Variants in KLHL33 observed in about 807,000 individuals in gnomAD.
KLHL33 encodes the protein kelch like family member 33, also known as kelch-like protein 33.
Under a neutral mutation model 60.8 loss-of-function variants are expected in KLHL33, and 46 were observed. The observed-to-expected ratio is 0.76, with a 90% CI of 0.60 to 0.97. The LOEUF is 0.97. Ranked by LOEUF, KLHL33 falls within the 50% of genes least tolerant of loss-of-function variation. The probability of loss-of-function intolerance (pLI) is 0.00; values close to 1 mark genes in which losing one functional copy is unlikely to be tolerated. For synonymous variants in KLHL33, 434 were observed against 432.2 expected (o/e 1.00, Z -0.05); for missense variants, 1,055 against 1,000.0 (o/e 1.05, Z -0.74).
At chr14:20,434,102 C>T (rs965387269) in intron 2 of KLHL33, among the ~76,000 whole-genome samples, 1 of 152,142 alleles carries the variant, frequency 6.6e-6, no homozygotes, top group South Asian at 2.1e-4. Flanking sequence ...TGATATTGAC[C>T]TCACCAGCTT....
At chr14:20,434,616 A>C (rs1220315026) in intron 2 of KLHL33, among the ~76,000 whole-genome samples, 1 of 151,904 alleles carries the variant, frequency 6.6e-6, no homozygotes, top group Non-Finnish European at 1.5e-5. Flanking sequence ...TGCAGGGCCC[A>C]TAAGTCAGCC....
rs1333267781 is a variant in KLHL33 at position 20,429,879 on chromosome 14, G to T, written c.1589C>A (p.Ala530Asp). ...GAGTTCACTTCCTGCCAGGCTTGCAGCCCCATGCCGGAAGCGTCCGGGGGC... is the reference window on the plus strand; with the variant it reads ...GAGTTCACTTCCTGCCAGGCTTGCATCCCCATGCCGGAAGCGTCCGGGGGC... Reference protein sequence around the residue: ...LPAPGRFRHGAASLAGSELYV... With the variant: ...LPAPGRFRHGDASLAGSELYV... Residue 530 changes from alanine (A) to aspartate (D), a missense_variant, in exon 3 of 5, where the codon GCT becomes GAT. Ala to Asp is a moderately radical substitution (Grantham distance 126). Coordinates refer to ENST00000636854, the MANE Select transcript of KLHL33 (RefSeq NM_001365790.2). 1 of 1,552,020 alleles carries T rather than the reference G, an allele frequency of 6.4e-7. No homozygotes were observed. The highest frequency in any genetic ancestry group is 2.0e-5 in the Admixed American group (1 of 51,002).
chr14:20,433,600 C>T (rs1162755121), intron 2 of KLHL33, among the ~76,000 whole-genome samples: 4 of 152,204 alleles, frequency 2.6e-5, no homozygotes, highest in African/African-American at 9.7e-5. Flanking sequence ...GGCTCACAGC[C>T]ACTTGTATTC....
chr14:20,432,947 A>AAAGAAAGAAAGAAAGC (rs2139272326), intron 2 of KLHL33, among the ~76,000 whole-genome samples: 1 of 150,832 alleles, frequency 6.6e-6, no homozygotes, highest in Non-Finnish European at 1.5e-5. Context: ...AGAAAGAAAG[A>AAAGAAAGAAAGAAAGC]AAGAAAGAAA....
rs1880660536 is a variant in KLHL33 at position 20,435,458 on chromosome 14, T to G, written c.354A>C (p.Ser118=). The change falls in exon 2 of 5, where the codon TCA becomes TCC. Residue 118 remains serine (S), a synonymous_variant. Coordinates refer to ENST00000636854, the MANE Select transcript of KLHL33 (RefSeq NM_001365790.2). The part of the protein sequence containing the change: ...EQRLLLDEEV[S]VAGRVYGVHR... ...GCACCCCGTATACCCGCCCCGCGAC[T>G]GACACCTCTTCGTCCAGCAACAGTC... 1 of 1,234,362 alleles carries G rather than the reference T, an allele frequency of 8.1e-7. No homozygotes were observed. The highest frequency in any genetic ancestry group is 1.0e-6 in the Non-Finnish European group (1 of 988,234). The allele number at this position is 1,234,362 out of a possible 1,614,324, so 76.5% of individuals were successfully genotyped here.
chr14:20,433,514 C>T (rs1880588349), intron 2 of KLHL33, among the ~76,000 whole-genome samples: 1 of 152,160 alleles, frequency 6.6e-6, no homozygotes, highest in Non-Finnish European at 1.5e-5. Flanking sequence ...AGAAAATCTG[C>T]ATTCCTCAAA....
chr14:20,430,824 C>CTCTAAGTTTGGCCT, intron 2 of KLHL33, 105 bp from the exon 3 acceptor site: 1 of 633,260 alleles, frequency 1.6e-6, no homozygotes, highest in Non-Finnish European at 2.5e-6. Flanking sequence ...AAGTTTGGCC[C>CTCTAAGTTTGGCCT]TCCAAGCCAC....
In KLHL33 at chr14:20,428,819, C is replaced by T; in HGVS notation, c.*30G>A. On this transcript the variant is annotated 3_prime_UTR_variant, in exon 5 of 5. Coordinates refer to ENST00000636854, the MANE Select transcript of KLHL33 (RefSeq NM_001365790.2). ...CTTCTCTCAGGCTATTTCTTATGCC[C>T]TCCTCTCCCCATACACTGTTGCTCC... 6.6e-7 allele frequency: 1 copy of T among 1,516,948 alleles called. No individual in the cohort carries two copies. Among genetic ancestry groups the T allele is most frequent in the Non-Finnish European group, 8.9e-7 (1 of 1,121,358 alleles). 94.0% of individuals were successfully genotyped at this position (1,516,948 alleles called of 1,614,324 possible). A position where few individuals can be genotyped will look rare whatever the true frequency, so the allele number is the denominator to read the frequency against.
At position 20,430,167 on chromosome 14, in the gene KLHL33, C is replaced by CTGG. The variant is rs1193338322; in HGVS notation, c.1298_1300dup (p.Thr433dup). 1.3e-6 allele frequency: 2 copies of CTGG among 1,551,568 alleles called. No homozygotes were observed. Among genetic ancestry groups the CTGG allele is most frequent in the Admixed American group, 2.0e-5 (1 of 50,996 alleles). ...GGCTGCCCGCACCCTCCGCAACTCC[C>CTGG]TGGTGGACATGCGGCCAAAGCGGAC... On this transcript the variant is annotated inframe_insertion, in exon 3 of 5. Transcript: ENST00000636854.
At chr14:20,435,925 T>G in intron 1 of KLHL33, 95 bp from the exon 2 acceptor site, 1 of 899,112 alleles carries the variant, frequency 1.1e-6, no homozygotes, top group Non-Finnish European at 1.5e-6. Flanking sequence ...TGTCAGTCTC[T>G]CCCCTGCTCC....
At position 20,432,846 on chromosome 14, in the gene KLHL33, T is replaced by C. The variant is rs1880549942; in HGVS notation, c.749-2127A>G. Among the ~76,000 whole-genome samples the C allele has an allele frequency of 2.0e-5, 3 of 151,182 alleles. No homozygotes were observed. The South Asian group carries it at 6.3e-4, about 32-fold the overall frequency. On this transcript the variant is annotated intron_variant, in intron 2 of 4. Coordinates refer to ENST00000636854, the MANE Select transcript of KLHL33 (RefSeq NM_001365790.2). ...CTGAGGCAGGAGAATCACTTGAACC[T>C]GGGAGGTGAAGGCTGCAGTGAGCCG...
In KLHL33 at chr14:20,429,067, C is replaced by T. The variant is rs1212335373; in HGVS notation, c.2176G>A (p.Val726Met). The T allele has an allele frequency of 6.4e-7, 1 of 1,551,758 alleles. No homozygotes were observed. The highest frequency in any genetic ancestry group is 1.4e-5 in the African/African-American group (1 of 73,176). The change falls in exon 5 of 5, where the codon GTG becomes ATG. Residue 726 changes from valine (V) to methionine (M), a missense_variant. Physicochemically the swap from Val to Met is conservative, Grantham distance 21. Transcript: ENST00000636854. ...AGCACCAGTAGCTCCCCCTGCAGCA[C>T]AGCACTTGCAGCCCCCACATGGGGG... Reference protein sequence around the residue: ...PSPHVGAASAVLQGELLVLGG... With the variant: ...PSPHVGAASAMLQGELLVLGG...
At chr14:20,431,186 C>T (rs774498056) in intron 2 of KLHL33, among the ~76,000 whole-genome samples, 16 of 150,736 alleles carry the variant, frequency 1.1e-4, no homozygotes, top group Non-Finnish European at 2.1e-4. Flanking sequence ...AAATTCTTTA[C>T]AATCAAGAGC....
At position 20,427,344 on chromosome 14, in the gene KLHL33, C is replaced by T. The variant is rs1880321058; in HGVS notation, c.*1505G>A. 6.6e-6 allele frequency: 1 copy of T among 151,970 alleles called. No individual in the cohort carries two copies. Among genetic ancestry groups the T allele is most frequent in the African/African-American group, 2.4e-5 (1 of 41,352 alleles). The allele number at this position is 151,970 out of a possible 1,614,324, so 9.4% of individuals were successfully genotyped here. A position where few individuals can be genotyped will look rare whatever the true frequency, so the allele number is the denominator to read the frequency against. ...GTGAGTCATAGAGGGCGGGAATACA[C>T]AATCATTAAGTGAAAGCCATTATCC... On this transcript the variant is annotated 3_prime_UTR_variant, in exon 5 of 5. Transcript: ENST00000636854.
rs1379230415 is a variant in KLHL33 at position 20,425,923 on chromosome 14, A to C, written c.*2926T>G. 6.6e-6 allele frequency: 1 copy of C among 152,230 alleles called. No homozygotes were observed. Among genetic ancestry groups the C allele is most frequent in the Non-Finnish European group, 1.5e-5 (1 of 68,034 alleles). 9.4% of individuals were successfully genotyped at this position (152,230 alleles called of 1,614,324 possible). ...TCACAAAAAATGTTCATAGAAGTTC[A>C]TCCAGAGAGCTTGTCATCTCCTTCA... On this transcript the variant is annotated 3_prime_UTR_variant, in exon 5 of 5. Coordinates refer to ENST00000636854, the MANE Select transcript of KLHL33 (RefSeq NM_001365790.2).
At chr14:20,433,429 T>A (rs1880585529) in intron 2 of KLHL33, among the ~76,000 whole-genome samples, 1 of 152,212 alleles carries the variant, frequency 6.6e-6, no homozygotes, top group South Asian at 2.1e-4. Flanking sequence ...TCCACTGTCT[T>A]TTAAGCAGTA....
In KLHL33 at chr14:20,427,106, C is replaced by T. The variant is rs1880308069; in HGVS notation, c.*1743G>A. ...CTAAATGACGAGTTAATGGGTGCAG[C>T]ACACCAGCATGGCACATGTATACAT... is the stretch of plus-strand genomic sequence containing the variant. On this transcript the variant is annotated 3_prime_UTR_variant, in exon 5 of 5. Coordinates refer to ENST00000636854, the MANE Select transcript of KLHL33 (RefSeq NM_001365790.2). 6.7e-6 allele frequency: 1 copy of T among 150,318 alleles called. No individual in the cohort carries two copies. The highest frequency in any genetic ancestry group is 1.5e-5 in the Non-Finnish European group (1 of 67,694). The allele number at this position is 150,318 out of a possible 1,614,324, so 9.3% of individuals were successfully genotyped here.
At position 20,429,272 on chromosome 14, in the gene KLHL33, T is replaced by A. The variant is rs2139264123; in HGVS notation, c.1971A>T (p.Lys657Asn). ...TCAGAAACGTCCCTGGCTTCTCAAGTTTGGGGTCATAGTGCATCAGTGAGG... is the reference window on the plus strand; with the variant it reads ...TCAGAAACGTCCCTGGCTTCTCAAGATTGGGGTCATAGTGCATCAGTGAGG... ...YLASLMHYDPKLEKPGTFLSP... is the reference protein window; with the variant it reads ...YLASLMHYDPNLEKPGTFLSP... The change falls in exon 5 of 5, where the codon AAA becomes AAT. Residue 657 changes from lysine (K) to asparagine (N), a missense_variant. By Grantham distance (94) the Lys-to-Asn change is moderately conservative. Coordinates refer to ENST00000636854, the MANE Select transcript of KLHL33 (RefSeq NM_001365790.2). The A allele has an allele frequency of 6.4e-7, 1 of 1,551,466 alleles. No individual in the cohort carries two copies. The highest frequency in any genetic ancestry group is 1.4e-5 in the African/African-American group (1 of 73,096).
chr14:20,430,720 C>A lies in KLHL33; in HGVS notation c.749-1G>T. On this transcript the variant is annotated splice_acceptor_variant, in intron 2 of 4. Transcript: ENST00000636854. LOFTEE classifies it high-confidence loss of function. ...CCACAGGCCAGGGCGGCTCGGTGCA[C>A]TGCAGGAGGGGAGAAGGAATAGAGG... 6.6e-7 allele frequency: 1 copy of A among 1,503,772 alleles called. No individual in the cohort carries two copies. Among genetic ancestry groups the A allele is most frequent in the Non-Finnish European group, 8.9e-7 (1 of 1,129,938 alleles). 93.2% of individuals were successfully genotyped at this position (1,503,772 alleles called of 1,614,324 possible).
Sources: allele counts gnomAD v4.1 joint callset (sites outside exome capture counted in the v4.1 genomes callset), GRCh38; gene constraint gnomAD v4.1.1; transcripts MANE v1.5; gene names NCBI Gene and HGNC (gene_info 2026-07-23, HGNC 2026-07-21).